UBE3D: variants seen among roughly 807,000 people sequenced by gnomAD.
The protein encoded by UBE3D is E3 ubiquitin-protein ligase E3D.
A neutral mutation model predicts 49.6 loss-of-function variants in UBE3D; 48 were observed. The ratio of observed to expected loss-of-function variants is 0.97; its 90% CI spans 0.77 to 1.23. UBE3D has a LOEUF of 1.23. Among genes scored for constraint, UBE3D ranks in the 50% most tolerant of loss-of-function variants. The probability of loss-of-function intolerance (pLI) is 0.00; values close to 1 mark genes in which losing one functional copy is unlikely to be tolerated. For synonymous variants in UBE3D, 189 were observed against 174.2 expected (o/e 1.08, Z -0.67); for missense variants, 452 against 468.4 (o/e 0.96, Z 0.32).
At chr6:83,016,993 G>A (rs1341795766) in intron 8 of UBE3D, among the ~76,000 whole-genome samples, 2 of 152,146 alleles carry the variant, frequency 1.3e-5, no homozygotes, top group Admixed American at 1.3e-4. Flanking sequence ...GCCTTTCCCA[G>A]CCCACTGACT....
chr6:82,910,612 G>T (rs1324341171), intron 9 of UBE3D, among the ~76,000 whole-genome samples: 1 of 152,158 alleles, frequency 6.6e-6, no homozygotes, highest in Non-Finnish European at 1.5e-5. Context: ...CTGCTCTCCT[G>T]GTTCTGCAGA....
chr6:83,060,610 C>T (rs935044529), intron 1 of UBE3D, among the ~76,000 whole-genome samples: 2 of 152,100 alleles, frequency 1.3e-5, no homozygotes, highest in African/African-American at 4.8e-5. Context: ...TTTGTAAAGG[C>T]CATTTTCTGC....
intron 3 of UBE3D, among the ~76,000 whole-genome samples, chr6:83,046,678 G>GGGGC (rs1554211669): frequency 7.5e-6 from 1 of 132,796 alleles, no homozygotes; most frequent in African/African-American, 2.9e-5. Flanking sequence ...TTGGCGGGGG[G>GGGGC]GGTGGGCGGT....
intron 9 of UBE3D, among the ~76,000 whole-genome samples, chr6:82,900,301 A>AT (rs1299330580): frequency 6.6e-6 from 1 of 152,182 alleles, no homozygotes; most frequent in African/African-American, 2.4e-5. Context: ...CAGCAAAACC[A>AT]TTTTAATATA....
At chr6:82,887,675 C>G (rs568325159), downstream of UBE3D, among the ~76,000 whole-genome samples, 1 of 150,112 alleles carries the variant, frequency 6.7e-6, no homozygotes, top group South Asian at 2.1e-4. Context: ...CGCCACTGCA[C>G]TCCATCCTGG....
At position 83,025,900 on chromosome 6, in the gene UBE3D, A is replaced by G. The variant is rs866086326; in HGVS notation, c.668-1862T>C. 2.2e-3 allele frequency among the ~76,000 whole-genome samples: 337 copies of G among 151,136 alleles called. 2 individuals carry two copies. The highest frequency in any genetic ancestry group is 4.8e-3 in the East Asian group (25 of 5,162). Reference sequence around the variant, plus strand: ...TCCATCTTAAAAAAAAAAAAAAAAAAAAAAAGAAAAATTGTGTATGTATTG... The same window carrying G: ...TCCATCTTAAAAAAAAAAAAAAAAAGAAAAAGAAAAATTGTGTATGTATTG... On this transcript the variant is annotated intron_variant, in intron 5 of 9. Coordinates refer to ENST00000369747, the MANE Select transcript of UBE3D (RefSeq NM_198920.3).
At chr6:82,898,678 G>C (rs544180362) in intron 9 of UBE3D, among the ~76,000 whole-genome samples, 11 of 152,088 alleles carry the variant, frequency 7.2e-5, no homozygotes, top group Admixed American at 3.3e-4. Context: ...GGTCTGTTGG[G>C]GGGTAGGGGG....
In UBE3D at chr6:83,054,456, G is replaced by A. The variant is rs150329832; in HGVS notation, c.275-218C>T. On this transcript the variant is annotated intron_variant, in intron 2 of 9. Coordinates refer to ENST00000369747, the MANE Select transcript of UBE3D (RefSeq NM_198920.3). ...ATTTTGCTAAGTGTTCCAGAGACAG[G>A]TACTGCTCTAGATTACGCATGTAGC... 3.1e-3 allele frequency among the ~76,000 whole-genome samples: 469 copies of A among 152,118 alleles called. 2 individuals are homozygous for A. The highest frequency in any genetic ancestry group is 0.014 in the Middle Eastern group (4 of 294).
intron 8 of UBE3D, among the ~76,000 whole-genome samples, chr6:82,957,669 A>G (rs1441409462): frequency 6.6e-6 from 1 of 152,180 alleles, no homozygotes; most frequent in Admixed American, 6.5e-5. Flanking sequence ...CCATCATTTC[A>G]TACTCTGAAG....
chr6:83,032,289 C>T, intron 5 of UBE3D: 1 of 455,032 alleles, frequency 2.2e-6, no homozygotes, highest in Non-Finnish European at 4.4e-6. Flanking sequence ...GGGAGCCCAC[C>T]TCTTGCATCA....
At chr6:82,910,253 A>T (rs1186697696) in intron 9 of UBE3D, among the ~76,000 whole-genome samples, 1 of 152,206 alleles carries the variant, frequency 6.6e-6, no homozygotes, top group Non-Finnish European at 1.5e-5. Context: ...ATGTGGAAGC[A>T]CAACATCTTA....
intron 2 of UBE3D, 56 bp downstream of exon 2, chr6:83,057,770 C>A (rs1471140861): frequency 4.5e-6 from 7 of 1,566,774 alleles, no homozygotes. Context: ...GGAAAAATCA[C>A]CTTTGGTTTA....
intron 9 of UBE3D, among the ~76,000 whole-genome samples, chr6:82,895,888 T>C (rs1311551000): frequency 6.6e-6 from 1 of 152,254 alleles, no homozygotes; most frequent in Non-Finnish European, 1.5e-5. Context: ...TTCTTTTGCA[T>C]GCCTGCGAAT....
At chr6:82,909,281 T>C (rs1009171270) in intron 9 of UBE3D, among the ~76,000 whole-genome samples, 1 of 152,200 alleles carries the variant, frequency 6.6e-6, no homozygotes, top group Non-Finnish European at 1.5e-5. Context: ...AGAAAACAAG[T>C]AGCTTACAAC....
chr6:83,008,131 T>C (rs1049906612), intron 8 of UBE3D, among the ~76,000 whole-genome samples: 1 of 152,120 alleles, frequency 6.6e-6, no homozygotes, highest in African/African-American at 2.4e-5. Context: ...TATTGGCATT[T>C]GGGGTTGAAA....
intron 9 of UBE3D, among the ~76,000 whole-genome samples, chr6:82,907,267 G>A (rs941264819): frequency 1.3e-5 from 2 of 152,168 alleles, no homozygotes; most frequent in Non-Finnish European, 2.9e-5. Flanking sequence ...GGAAGGCTAT[G>A]CCATAGAAAA....
intron 4 of UBE3D, among the ~76,000 whole-genome samples, chr6:83,038,858 T>C (rs896268086): frequency 1.3e-5 from 2 of 151,680 alleles, no homozygotes; most frequent in African/African-American, 2.4e-5. Flanking sequence ...CTCATGTGTA[T>C]AGAACACAGA....
intron 5 of UBE3D, among the ~76,000 whole-genome samples, chr6:83,025,554 G>A (rs1187932208): frequency 6.6e-6 from 1 of 151,994 alleles, no homozygotes; most frequent in Non-Finnish European, 1.5e-5. Context: ...GAAAATGACA[G>A]ACTTCCGGAA....
At chr6:83,047,221 G>A (rs1783120724) in intron 3 of UBE3D, among the ~76,000 whole-genome samples, 1 of 152,180 alleles carries the variant, frequency 6.6e-6, no homozygotes. Context: ...CTGGAAACCA[G>A]GTAAGAGCTT....
Sources: allele counts gnomAD v4.1 joint callset (sites outside exome capture counted in the v4.1 genomes callset), GRCh38; gene constraint gnomAD v4.1.1; transcripts MANE v1.5; gene names NCBI Gene and HGNC (gene_info 2026-07-23, HGNC 2026-07-21).